FNTB: variants seen among roughly 807,000 people sequenced by gnomAD.
FNTB encodes protein farnesyltransferase subunit beta.
Under a neutral mutation model 59.4 loss-of-function variants are expected in FNTB, and 27 were observed. The ratio of observed to expected loss-of-function variants is 0.45; its 90% confidence interval spans 0.34 to 0.63. The LOEUF (loss-of-function observed/expected upper bound fraction) is 0.63. Ranked by LOEUF, FNTB falls within the 20% of genes least tolerant of loss-of-function variation. FNTB has a pLI of 0.02. For missense variants in FNTB, 449 were observed against 559.6 expected, an observed-to-expected ratio of 0.80 and a Z score of 1.99; for synonymous variants, 230 against 220.7, an observed-to-expected ratio of 1.04 and a Z score of -0.37.
In FNTB at chr14:65,061,508, T is replaced by G. The variant is rs1379457910; in HGVS notation, c.*196T>G. Reference sequence around the variant, plus strand: ...ACAGTGGCTGGTTTTAAAAATTCTTTCCACACCTGTCAAACCAAAAATCTA... The same window carrying G: ...ACAGTGGCTGGTTTTAAAAATTCTTGCCACACCTGTCAAACCAAAAATCTA... On this transcript the variant is annotated 3_prime_UTR_variant, in exon 12 of 12. Coordinates refer to ENST00000246166, the MANE Select transcript of FNTB (RefSeq NM_002028.4). 3 of 999,112 alleles carry G rather than the reference T, an allele frequency of 3.0e-6. No homozygotes were observed. The highest frequency in any genetic ancestry group is 4.2e-6 in the Non-Finnish European group (3 of 718,474). 61.9% of individuals were successfully genotyped at this position (999,112 alleles called of 1,614,324 possible).
intron 4 of FNTB, among the ~76,000 whole-genome samples, chr14:65,025,350 A>G (rs1033220463): frequency 1.3e-5 from 2 of 152,188 alleles, no homozygotes; most frequent in Admixed American, 6.5e-5. Context: ...TAAGTTTTGT[A>G]TCAGCTAAAA....
intron 1 of FNTB, among the ~76,000 whole-genome samples, chr14:64,995,568 G>A (rs934796160): frequency 2.0e-5 from 3 of 151,902 alleles, no homozygotes; most frequent in South Asian, 2.1e-4. Context: ...CGGGACTGCC[G>A]TGGAATATGG....
Position 65,023,664 on chromosome 14 carries a change from A to G in FNTB, c.375-3789A>G, listed in dbSNP as rs1053918619. Among the ~76,000 whole-genome samples, 1 of 152,162 alleles carries G rather than the reference A, an allele frequency of 6.6e-6. No homozygotes were observed. The highest frequency in any genetic ancestry group is 2.4e-5 in the African/African-American group (1 of 41,430). ...GTGTCTTGTGTGACTGAAGAGCTGA[A>G]TTTTCTATTTTAATTAATTGAGAAT... On this transcript the variant is annotated intron_variant, in intron 4 of 11. Transcript: ENST00000246166. The surrounding 1 kb of genome is among the most constrained non-coding windows in gnomAD (Gnocchi z 4.1).
intron 7 of FNTB, among the ~76,000 whole-genome samples, chr14:65,037,486 G>A (rs770458080): frequency 8.1e-6 from 1 of 123,082 alleles, no homozygotes; most frequent in Non-Finnish European, 1.6e-5. Flanking sequence ...CCAGATTGGA[G>A]TGCAGTGACA....
In FNTB at chr14:65,030,100, C is replaced by A. The variant is rs2062051451; in HGVS notation, c.605+2319C>A. ...CTGGGACTCCTGTCTTCTGTCATCA[C>A]TTCTTAGTCCTCACACTTGTGAGAG... On this transcript the variant is annotated intron_variant, in intron 6 of 11. Coordinates refer to ENST00000246166, the MANE Select transcript of FNTB (RefSeq NM_002028.4). The surrounding 1 kb of genome is among the most constrained non-coding windows in gnomAD (Gnocchi z 4.5). 6.6e-6 allele frequency among the ~76,000 whole-genome samples: 1 copy of A among 152,236 alleles called. No individual in the cohort carries two copies. Among genetic ancestry groups the A allele is most frequent in the Admixed American group, 6.5e-5 (1 of 15,284 alleles).
At chr14:65,055,297 C>T (rs901272895) in intron 11 of FNTB, among the ~76,000 whole-genome samples, 1 of 152,196 alleles carries the variant, frequency 6.6e-6, no homozygotes, top group South Asian at 2.1e-4. Flanking sequence ...TGAGCCTAGA[C>T]GTGAGCCTGG....
chr14:65,054,717 C>T lies in FNTB; in HGVS notation c.1182+28C>T. The T allele has an allele frequency of 1.3e-6, 2 of 1,582,546 alleles. No individual in the cohort carries two copies. Among genetic ancestry groups the T allele is most frequent in the Non-Finnish European group, 1.7e-6 (2 of 1,163,176 alleles). On this transcript the variant is annotated intron_variant, in intron 11 of 11. Coordinates refer to ENST00000246166, the MANE Select transcript of FNTB (RefSeq NM_002028.4). This position sits in a 1 kb window ranked among gnomAD's most constrained non-coding sequence, Gnocchi z 4.4. ...AAGACGGGTGCAGGGCTTCACACCC[C>T]TTCTCCACAGGGACCTCGCGGACAG... is the stretch of plus-strand genomic sequence containing the variant.
intron 9 of FNTB, among the ~76,000 whole-genome samples, chr14:65,049,614 T>TA (rs1555337388): frequency 6.6e-6 from 1 of 152,202 alleles, no homozygotes; most frequent in Non-Finnish European, 1.5e-5. Flanking sequence ...TGAAACAGTC[T>TA]ATAGTTTTTT....
At chr14:65,053,624 T>G (rs2062661285) in intron 10 of FNTB, among the ~76,000 whole-genome samples, 1 of 119,584 alleles carries the variant, frequency 8.4e-6, no homozygotes, top group African/African-American at 5.4e-5. Context: ...TCTTCTTTTT[T>G]TTAAAAAAAA....
At chr14:65,050,376 ATTT>A (rs1320139021) in intron 9 of FNTB, among the ~76,000 whole-genome samples, 1 of 152,178 alleles carries the variant, frequency 6.6e-6, no homozygotes, top group Non-Finnish European at 1.5e-5. Flanking sequence ...TGGGCAGATC[ATTT>A]TAGGAGTTCG....
intron 11 of FNTB, among the ~76,000 whole-genome samples, chr14:65,058,270 G>A (rs10142987): frequency 0.14 from 19,975 of 142,446 alleles, 1,699 homozygotes; most frequent in African/African-American, 0.26. Context: ...TTTTTTTTTC[G>A]GTTAGAGTTA....
At chr14:65,049,143 G>C (rs2062553351) in intron 9 of FNTB, among the ~76,000 whole-genome samples, 1 of 149,154 alleles carries the variant, frequency 6.7e-6, no homozygotes, top group East Asian at 2.0e-4. Context: ...AAAAAAAAAG[G>C]CTTAAGAAAT....
At chr14:65,052,947 G>C (rs1197456497) in intron 9 of FNTB, among the ~76,000 whole-genome samples, 1 of 152,184 alleles carries the variant, frequency 6.6e-6, no homozygotes, top group Non-Finnish European at 1.5e-5. Flanking sequence ...AGCTAGGCTG[G>C]TTCACTGCCT....
intron 9 of FNTB, among the ~76,000 whole-genome samples, chr14:65,049,817 A>G (rs546992842): frequency 9.2e-5 from 14 of 152,252 alleles, no homozygotes; most frequent in South Asian, 2.1e-4. Context: ...TATAATTCCC[A>G]TACCACACAA....
At chr14:65,005,901 ATTACAGC>A (rs2061579362) in intron 2 of FNTB, among the ~76,000 whole-genome samples, 1 of 152,136 alleles carries the variant, frequency 6.6e-6, no homozygotes, top group South Asian at 2.1e-4. Flanking sequence ...AAGTGCTGAG[ATTACAGC>A]TGTGAGCCAT....
Position 65,054,792 on chromosome 14 carries a change from G to GCTTCCGCCTGTCCA in FNTB, c.1182+104_1182+105insTTCCGCCTGTCCAC. ...GGCTCTGCATTTCCTGTGTGGACAG[G>GCTTCCGCCTGTCCA]CGGAAGCTTGTGGTCCCTCTGCCCT... On this transcript the variant is annotated intron_variant, in intron 11 of 11. Transcript: ENST00000246166. The surrounding 1 kb of genome is among the most constrained non-coding windows in gnomAD (Gnocchi z 4.4). 1 of 1,304,136 alleles carries GCTTCCGCCTGTCCA rather than the reference G, an allele frequency of 7.7e-7. No homozygotes were observed. Among genetic ancestry groups the GCTTCCGCCTGTCCA allele is most frequent in the Non-Finnish European group, 1.1e-6 (1 of 942,834 alleles). The allele number at this position is 1,304,136 out of a possible 1,614,324, so 80.8% of individuals were successfully genotyped here.
intron 4 of FNTB, among the ~76,000 whole-genome samples, chr14:65,024,594 T>G (rs72625659): frequency 0.085 from 12,882 of 152,258 alleles, 755 homozygotes; most frequent in East Asian, 0.3. Context: ...ATGAAATGCC[T>G]TGCTGACGTT....
chr14:65,017,323 C>G (rs2061794861), intron 4 of FNTB, among the ~76,000 whole-genome samples: 1 of 152,158 alleles, frequency 6.6e-6, no homozygotes, highest in Non-Finnish European at 1.5e-5. Flanking sequence ...TTTCCCTTCA[C>G]TCTTGCACAA....
rs577611755 is a variant in FNTB, at chr14:65,052,154, A to G, written c.956-1084A>G. 7.2e-5 allele frequency among the ~76,000 whole-genome samples: 11 copies of G among 152,302 alleles called. No homozygotes were observed. In the South Asian group the frequency reaches 2.3e-3, roughly 32 times the overall value. On this transcript the variant is annotated intron_variant, in intron 9 of 11. Transcript: ENST00000246166. ...GATTTTTAGCTCAGTTCTTTTTATGATACAGTTACCTTATATGTCCACTTA... is the reference window on the plus strand; with the variant it reads ...GATTTTTAGCTCAGTTCTTTTTATGGTACAGTTACCTTATATGTCCACTTA...
Sources: allele counts gnomAD v4.1 joint callset (sites outside exome capture counted in the v4.1 genomes callset), GRCh38; gene constraint gnomAD v4.1.1; non-coding constraint Gnocchi (gnomAD v3.1); transcripts MANE v1.5; gene names NCBI Gene and HGNC (gene_info 2026-07-23, HGNC 2026-07-21).